OTOGL: variants seen among roughly 807,000 people sequenced by gnomAD.
OTOGL encodes otogelin-like protein.
A neutral mutation model predicts 318.5 loss-of-function variants in OTOGL; 285 were observed. The observed-to-expected ratio is 0.89, with a 90% CI of 0.81 to 0.99. The LOEUF (loss-of-function observed/expected upper bound fraction) is 0.99. Ranked by LOEUF, OTOGL falls within the 50% of genes least tolerant of loss-of-function variation. The pLI is 0.00. For missense variants in OTOGL, 2,899 were observed against 2,845.6 expected (o/e 1.02, Z -0.43); for synonymous variants, 987 against 936.5 (o/e 1.05, Z -0.99).
chr12:80,293,487 C>T (rs1885179615), intron 26 of OTOGL, among the ~76,000 whole-genome samples: 1 of 151,374 alleles, frequency 6.6e-6, no homozygotes, highest in South Asian at 2.1e-4. Context: ...GGTTTTGGCC[C>T]CAGGCAGCAG....
chr12:80,354,427 C>G (rs777539452), intron 46 of OTOGL, among the ~76,000 whole-genome samples: 15 of 152,002 alleles, frequency 9.9e-5, no homozygotes, highest in Non-Finnish European at 1.6e-4. Flanking sequence ...TAGAGCAACA[C>G]AAAATGGACT....
At position 80,333,061 on chromosome 12, in the gene OTOGL, A is replaced by G; in HGVS notation, c.4405A>G (p.Thr1469Ala). The G allele has an allele frequency of 6.3e-7, 1 of 1,599,674 alleles. No individual in the cohort carries two copies. The highest frequency in any genetic ancestry group is 8.5e-7 in the Non-Finnish European group (1 of 1,171,548). Reference protein sequence around the residue: ...ITVFDMLTPTTGLECEPQKFD... With the variant: ...ITVFDMLTPTAGLECEPQKFD... ...TGTGTTTGATATGCTAACACCAACT[A>G]CAGGCTTGGAATGTGAGGTATGACT... Residue 1469 changes from threonine to alanine, a missense_variant, in exon 38 of 59, where the codon ACA becomes GCA. Physicochemically the swap from Thr to Ala is moderately conservative, Grantham distance 58 (BLOSUM62 0). Around this residue, in one of 3 missense-constraint regions of OTOGL, gnomAD observed 2,607 missense variants for 2,524.9 expected, o/e 1.03. Transcript: ENST00000547103.
intron 1 of OTOGL, among the ~76,000 whole-genome samples, chr12:80,194,987 G>A (rs770620407): frequency 6.6e-5 from 10 of 151,976 alleles, no homozygotes; most frequent in Non-Finnish European, 1.2e-4. Flanking sequence ...AAAAAGTGTT[G>A]CAAAAGCCTC....
intron 24 of OTOGL, among the ~76,000 whole-genome samples, chr12:80,277,405 G>A (rs941945424): frequency 1.4e-5 from 2 of 146,864 alleles, no homozygotes; most frequent in African/African-American, 4.9e-5. Flanking sequence ...CAAATATTTA[G>A]ATAACACACC....
At chr12:80,136,154 G>A (rs1177627534) in intron 1 of OTOGL, among the ~76,000 whole-genome samples, 2 of 151,686 alleles carry the variant, frequency 1.3e-5, no homozygotes, top group African/African-American at 4.8e-5. Context: ...TGCTTTTTTT[G>A]TGGAAATGTC....
intron 1 of OTOGL, among the ~76,000 whole-genome samples, chr12:80,147,735 G>T (rs1872496163): frequency 6.6e-6 from 1 of 152,116 alleles, no homozygotes; most frequent in African/African-American, 2.4e-5. Flanking sequence ...GAATCTGGGT[G>T]CTCCTGTATT....
In OTOGL at chr12:80,122,756, T is replaced by C. The variant is rs371925531; in HGVS notation, c.-20+23151T>C. The stretch of plus-strand genomic sequence containing the variant: ...TGGAAACAGTATGCAAACACTCAAA[T>C]AACAGCAGGATAGTCATTTTTCATA... On this transcript the variant is annotated intron_variant, in intron 1 of 58. Coordinates refer to ENST00000547103, the MANE Select transcript of OTOGL (RefSeq NM_001378609.3). 7.2e-5 allele frequency among the ~76,000 whole-genome samples: 11 copies of C among 152,274 alleles called. No homozygotes were observed. The East Asian group carries it at 1.4e-3, about 19-fold the overall frequency.
At position 80,123,343 on chromosome 12, in the gene OTOGL, T is replaced by A. The variant is rs1425101462; in HGVS notation, c.-20+23738T>A. On this transcript the variant is annotated intron_variant, in intron 1 of 58. Coordinates refer to ENST00000547103, the MANE Select transcript of OTOGL (RefSeq NM_001378609.3). ...ATGATGGTTTCCAGCATCATCCATG[T>A]TTGTACAAAGGACATGAACTCATCA... Among the ~76,000 whole-genome samples the A allele has an allele frequency of 2.0e-5, 3 of 152,172 alleles. No individual in the cohort carries two copies. The East Asian group carries it at 5.8e-4, about 29-fold the overall frequency.
intron 44 of OTOGL, among the ~76,000 whole-genome samples, chr12:80,344,539 G>T (rs1005069186): frequency 7.2e-5 from 11 of 152,022 alleles, no homozygotes; most frequent in Non-Finnish European, 1.5e-4. Flanking sequence ...AAAGTGTGTG[G>T]GTTTTGTTTA....
chr12:80,159,025 G>A (rs987524605), intron 1 of OTOGL, among the ~76,000 whole-genome samples: 4 of 152,082 alleles, frequency 2.6e-5, no homozygotes, highest in Admixed American at 6.6e-5. Flanking sequence ...TGATTTTGCT[G>A]AGGGTTTTAA....
chr12:80,240,635 T>A (rs12301962), intron 11 of OTOGL, among the ~76,000 whole-genome samples: 7,040 of 152,140 alleles, frequency 0.046, 552 homozygotes, highest in African/African-American at 0.16. Flanking sequence ...ACAAAGTCAC[T>A]GATATCACTA....
intron 7 of OTOGL, among the ~76,000 whole-genome samples, chr12:80,226,505 C>T (rs1878871155): frequency 6.6e-6 from 1 of 152,070 alleles, no homozygotes; most frequent in South Asian, 2.1e-4. Flanking sequence ...CTTCTCTTTT[C>T]CCTCATGAGA....
In OTOGL at chr12:80,266,481, A is replaced by G. The variant is rs1246847291; in HGVS notation, c.2255A>G (p.His752Arg). The G allele has an allele frequency of 8.1e-6, 13 of 1,613,420 alleles. No individual in the cohort carries two copies. In the South Asian group the frequency reaches 1.1e-4, roughly 14 times the overall value. The change falls in exon 21 of 59, where the codon CAT (histidine) becomes CGT (arginine). Residue 752 changes from histidine (H) to arginine (R), a missense_variant. This residue lies in a region of OTOGL where 2,607 missense variants were observed against 2,524.9 expected (regional missense o/e 1.03). Transcript: ENST00000547103. Reference sequence around the variant, plus strand: ...GTGTGCCAGAAGGGCATGCTGTACCATCACTGTTCCTCGTTCTGCCTCCAT... The same window carrying G: ...GTGTGCCAGAAGGGCATGCTGTACCGTCACTGTTCCTCGTTCTGCCTCCAT... ...AVVCQKGMLY[H>R]HCSSFCLHSC...
intron 1 of OTOGL, among the ~76,000 whole-genome samples, chr12:80,152,640 A>G (rs570176559): frequency 1.4e-4 from 22 of 152,190 alleles, no homozygotes; most frequent in Non-Finnish European, 2.8e-4. Context: ...AACAAATCCA[A>G]TCGCCTGTTG....
intron 1 of OTOGL, among the ~76,000 whole-genome samples, chr12:80,145,324 C>T (rs989408892): frequency 7.2e-5 from 11 of 152,052 alleles, no homozygotes; most frequent in South Asian, 2.1e-4. Flanking sequence ...ATCCTTTCCC[C>T]GTTGCTTGTT....
chr12:80,197,464 C>A (rs1227708229), intron 1 of OTOGL, among the ~76,000 whole-genome samples: 1 of 152,162 alleles, frequency 6.6e-6, no homozygotes, highest in Non-Finnish European at 1.5e-5. Context: ...GACCTCAAGT[C>A]TCCCAAAGTG....
intron 38 of OTOGL, 87 bp downstream of exon 38, chr12:80,333,165 AC>A (rs1888186594): frequency 8.4e-7 from 1 of 1,196,734 alleles, no homozygotes; most frequent in African/African-American, 1.5e-5. Flanking sequence ...ATGCTACTAA[AC>A]TTTTTTTGAT....
intron 26 of OTOGL, among the ~76,000 whole-genome samples, chr12:80,287,173 G>A (rs1884696351): frequency 6.6e-6 from 1 of 151,770 alleles, no homozygotes; most frequent in Non-Finnish European, 1.5e-5. Context: ...TCATTCAGGA[G>A]CACGTTGTTC....
In OTOGL at chr12:80,257,460, G is replaced by A. The variant is rs1882156591; in HGVS notation, c.1712-365G>A. The stretch of plus-strand genomic sequence containing the variant: ...ATCTAAGGCAGTGATGATAGAGATG[G>A]AGAGAAGAAGACAGATTGAAAAAAC... On this transcript the variant is annotated intron_variant, in intron 17 of 58. Transcript: ENST00000547103. Among the ~76,000 whole-genome samples the A allele has an allele frequency of 9.2e-5, 14 of 152,200 alleles. 1 individual carries two copies. The South Asian group carries it at 2.9e-3, about 32-fold the overall frequency.
Sources: gnomAD v4.1 joint callset for allele counts (sites outside exome capture counted in the v4.1 genomes callset) on GRCh38, gnomAD v4.1.1 for gene constraint, gnomAD v4.1.1 regional missense constraint, MANE v1.5 for transcripts, NCBI Gene and HGNC (gene_info 2026-07-23, HGNC 2026-07-21) for gene names.